The following ASPSCR1 variants were observed in gnomAD, a reference collection of about 807,000 sequenced individuals.
ASPSCR1 encodes tether containing UBX domain for GLUT4.
In ASPSCR1, 55 loss-of-function variants were observed where a neutral mutation model predicts 68.9. The ratio of observed to expected loss-of-function variants is 0.80; its 90% confidence interval spans 0.64 to 1.00. The LOEUF (loss-of-function observed/expected upper bound fraction) is 1.00, where lower values mean the gene tolerates loss of function less well. ASPSCR1 is among the 50% of genes least tolerant of loss of function. ASPSCR1 has a pLI of 0.00. For missense variants in ASPSCR1, 765 were observed against 762.2 expected, an observed-to-expected ratio of 1.00 and a Z score of -0.04; for synonymous variants, 352 against 332.6, an observed-to-expected ratio of 1.06 and a Z score of -0.63.
Position 82,016,930 on chromosome 17 carries a change from C to T in ASPSCR1, c.1476-11C>T, listed in dbSNP as rs753769333. The T allele has an allele frequency of 7.4e-6, 12 of 1,611,026 alleles. No individual in the cohort carries two copies. Among genetic ancestry groups the T allele is most frequent in the African/African-American group, 1.3e-5 (1 of 74,890 alleles). ...CGGCACTCACCACTCTGTGTCTTCG[C>T]CTCCCCACAGGTACATGTCCAGGGC... On this transcript the variant is annotated splice_polypyrimidine_tract_variant and intron_variant, in intron 14 of 15. Transcript: ENST00000306739.
chr17:81,986,173 T>G lies in ASPSCR1; in HGVS notation c.374+566T>G, dbSNP rs1405972243. On this transcript the variant is annotated intron_variant, in intron 4 of 15. Coordinates refer to ENST00000306739, the MANE Select transcript of ASPSCR1 (RefSeq NM_024083.4). This position sits in a 1 kb window ranked among gnomAD's most constrained non-coding sequence, Gnocchi z 5.2. ...GGGCACAGTGGCTGGGCAAAGTGGCTTGCACTTTGGAAGGCCGAGGCTGGC... is the reference window on the plus strand; with the variant it reads ...GGGCACAGTGGCTGGGCAAAGTGGCGTGCACTTTGGAAGGCCGAGGCTGGC... Among the ~76,000 whole-genome samples, 3 of 152,108 alleles carry G rather than the reference T, an allele frequency of 2.0e-5. No individual in the cohort carries two copies. The highest frequency in any genetic ancestry group is 7.2e-5 in the African/African-American group (3 of 41,426).
chr17:82,000,552 T>G (rs1176933880), intron 7 of ASPSCR1, among the ~76,000 whole-genome samples: 1 of 152,208 alleles, frequency 6.6e-6, no homozygotes, highest in African/African-American at 2.4e-5. Context: ...AGAACTTTTT[T>G]GGGGAACTTC....
intron 7 of ASPSCR1, chr17:82,006,964 C>T (rs1250677074): frequency 6.6e-6 from 1 of 152,342 alleles, no homozygotes; most frequent in East Asian, 1.9e-4. Context: ...AAAGTCTCTC[C>T]TGGGGAAGGC....
chr17:81,983,705 C>A lies in ASPSCR1; in HGVS notation c.273+37C>A. On this transcript the variant is annotated intron_variant, in intron 3 of 15. Transcript: ENST00000306739. This position sits in a 1 kb window ranked among gnomAD's most constrained non-coding sequence, Gnocchi z 4.4. Reference sequence around the variant, plus strand: ...TCTGGGGGAGGCTGACTGTGTGGGGCACAGGATCGTTCAGCTGGCCAGGGA... The same window carrying A: ...TCTGGGGGAGGCTGACTGTGTGGGGAACAGGATCGTTCAGCTGGCCAGGGA... The A allele has an allele frequency of 6.5e-7, 1 of 1,535,084 alleles. No homozygotes were observed. Among genetic ancestry groups the A allele is most frequent in the East Asian group, 2.3e-5 (1 of 43,750 alleles).
chr17:82,010,889 T>C, intron 10 of ASPSCR1, 21 bp downstream of exon 10: 1 of 1,609,150 alleles, frequency 6.2e-7, no homozygotes, highest in Non-Finnish European at 8.5e-7. Context: ...CTGTGGGGTG[T>C]CCGGGGATGG....
rs1485966535 is a variant in ASPSCR1, at chr17:81,994,128, G to A, written c.375-693G>A. On this transcript the variant is annotated intron_variant, in intron 4 of 15. Transcript: ENST00000306739. ...ATGTGACGGCATGTGCCCGTCTCCCGGGCTGCCATGCACATCAGGCATGTG... is the reference window on the plus strand; with the variant it reads ...ATGTGACGGCATGTGCCCGTCTCCCAGGCTGCCATGCACATCAGGCATGTG... Among the ~76,000 whole-genome samples the A allele has an allele frequency of 3.3e-5, 5 of 152,236 alleles. No homozygotes were observed. The East Asian group carries it at 5.8e-4, about 18-fold the overall frequency.
intron 12 of ASPSCR1, chr17:82,013,335 C>G (rs887583985): frequency 1.3e-5 from 2 of 152,214 alleles, no homozygotes; most frequent in African/African-American, 4.8e-5. Flanking sequence ...TGCAGCCCAC[C>G]CTCCCGCTGG....
intron 2 of ASPSCR1, among the ~76,000 whole-genome samples, chr17:81,979,512 C>T (rs2041725758): frequency 6.6e-6 from 1 of 152,168 alleles, no homozygotes; most frequent in African/African-American, 2.4e-5. Context: ...TGGCCTTTTC[C>T]TGTTTTCTCT....
intron 12 of ASPSCR1, chr17:82,015,066 C>T (rs770359394): frequency 2.8e-5 from 45 of 1,594,794 alleles, no homozygotes; most frequent in Non-Finnish European, 1.5e-5. Context: ...ACCCACTTTC[C>T]CTTTCCAGCC....
At chr17:82,014,444 G>A (rs75711152) in intron 12 of ASPSCR1, 5,060 of 154,686 alleles carry the variant, frequency 0.033, 292 homozygotes, top group African/African-American at 0.11. Context: ...CCCAGGCACC[G>A]TGGTGCCTTC....
At chr17:81,985,932 G>T (rs1171810164) in intron 4 of ASPSCR1, among the ~76,000 whole-genome samples, 1 of 152,122 alleles carries the variant, frequency 6.6e-6, no homozygotes, top group African/African-American at 2.4e-5. Context: ...TGGGGGCAGG[G>T]CTCCCCATGC....
rs769569943 is a variant in ASPSCR1, at chr17:82,017,352, C to T, written c.*30C>T. 3.1e-6 allele frequency: 5 copies of T among 1,612,270 alleles called. No individual in the cohort carries two copies. Among genetic ancestry groups the T allele is most frequent in the Non-Finnish European group, 4.2e-6 (5 of 1,179,928 alleles). On this transcript the variant is annotated 3_prime_UTR_variant, in exon 16 of 16. Transcript: ENST00000306739. ...TGCCAGCCTGAGGTGCCCACTCCGCCAGCCACAGGACCACCTCCTCTGCCA... is the reference window on the plus strand; with the variant it reads ...TGCCAGCCTGAGGTGCCCACTCCGCTAGCCACAGGACCACCTCCTCTGCCA...
At chr17:82,000,409 A>G (rs977532965) in intron 7 of ASPSCR1, among the ~76,000 whole-genome samples, 3 of 152,140 alleles carry the variant, frequency 2.0e-5, no homozygotes, top group Non-Finnish European at 2.9e-5. Flanking sequence ...GGACTTGGGC[A>G]GCTGATTGAT....
chr17:82,015,308 C>T lies in ASPSCR1; in HGVS notation c.1354-1168C>T, dbSNP rs373812733. The stretch of plus-strand genomic sequence containing the variant: ...CACCATCCCCTCGTCCGAGCAGTGG[C>T]GATCCCTCCCGAGTCAAGGCTGGGC... On this transcript the variant is annotated intron_variant, in intron 12 of 15. Coordinates refer to ENST00000306739, the MANE Select transcript of ASPSCR1 (RefSeq NM_024083.4). 301 of 1,598,206 alleles carry T rather than the reference C, an allele frequency of 1.9e-4. No individual in the cohort carries two copies. The African/African-American group carries it at 3.1e-3, about 17-fold the overall frequency.
rs144787705 is a variant in ASPSCR1 at position 81,999,939 on chromosome 17, G to A, written c.933+3093G>A. Among the ~76,000 whole-genome samples, 75 of 152,346 alleles carry A rather than the reference G, an allele frequency of 4.9e-4. No individual in the cohort carries two copies. Among genetic ancestry groups the A allele is most frequent in the Non-Finnish European group, 8.5e-4 (58 of 68,028 alleles). ...CCCTGGCTGTCCTGGGACTGTTCCT[G>A]TTGAGTGGACAAGGGAGTGGGGAGT... On this transcript the variant is annotated intron_variant, in intron 7 of 15. Transcript: ENST00000306739. This position sits in a 1 kb window ranked among gnomAD's most constrained non-coding sequence, Gnocchi z 4.4.
At chr17:81,988,338 G>C (rs2144019935) in intron 4 of ASPSCR1, among the ~76,000 whole-genome samples, 1 of 151,942 alleles carries the variant, frequency 6.6e-6, no homozygotes, top group African/African-American at 2.4e-5. Flanking sequence ...GCTCATGCTT[G>C]TAGTCCCAGC....
chr17:81,980,705 A>C (rs2041767858), intron 2 of ASPSCR1, among the ~76,000 whole-genome samples: 1 of 152,352 alleles, frequency 6.6e-6, no homozygotes, highest in South Asian at 2.1e-4. Flanking sequence ...TTTACACCGA[A>C]TGGGGTGGCT....
chr17:81,992,387 C>T lies in ASPSCR1; in HGVS notation c.375-2434C>T, dbSNP rs182000229. 1.5e-3 allele frequency among the ~76,000 whole-genome samples: 227 copies of T among 152,338 alleles called. 1 individual carries two copies. Among genetic ancestry groups the T allele is most frequent in the African/African-American group, 5.3e-3 (220 of 41,574 alleles). On this transcript the variant is annotated intron_variant, in intron 4 of 15. Coordinates refer to ENST00000306739, the MANE Select transcript of ASPSCR1 (RefSeq NM_024083.4). ...CCCGCATGAGGGAGGGAATCTGATC[C>T]CTCTGGAGGAGCCGCACATCAAAGC... is the stretch of plus-strand genomic sequence containing the variant.
chr17:81,995,176 A>G, intron 5 of ASPSCR1: 2 of 481,458 alleles, frequency 4.2e-6, no homozygotes, highest in Non-Finnish European at 7.3e-6. Flanking sequence ...TTCAAAACCG[A>G]GTGTGGCGTG....
Sources: allele counts gnomAD v4.1 joint callset (sites outside exome capture counted in the v4.1 genomes callset), GRCh38; gene constraint gnomAD v4.1.1; non-coding constraint Gnocchi (gnomAD v3.1); transcripts MANE v1.5; gene names NCBI Gene and HGNC (gene_info 2026-07-23, HGNC 2026-07-21).